The following IL1RAPL1 variants were observed in gnomAD, a reference collection of about 807,000 sequenced individuals.
The protein encoded by IL1RAPL1 is interleukin-1 receptor accessory protein-like 1.
A neutral mutation model predicts 48.4 loss-of-function variants in IL1RAPL1; 3 were observed. That is an observed-to-expected ratio of 0.06 (90% CI 0.03 to 0.16). IL1RAPL1 has a LOEUF of 0.16. IL1RAPL1 is among the 10% of genes least tolerant of loss of function. The pLI is 1.00. For synonymous variants in IL1RAPL1, 185 were observed against 187.7 expected, an observed-to-expected ratio of 0.99 and a Z score of 0.12; for missense variants, 349 against 530.6, an observed-to-expected ratio of 0.66 and a Z score of 3.36.
At chrX:29,364,562 C>CAAAAAAA (rs766680904) in intron 3 of IL1RAPL1, among the ~76,000 whole-genome samples, 2 of 43,569 alleles carry the variant, frequency 4.6e-5, no homozygotes, top group Admixed American at 3.1e-4. Context: ...GACTCTATCT[C>CAAAAAAA]AAAAAAAAAA....
chrX:29,907,692 A>G (rs978044000), intron 6 of IL1RAPL1, among the ~76,000 whole-genome samples: 7 of 112,045 alleles, frequency 6.2e-5, no homozygotes, highest in Middle Eastern at 4.7e-3. Flanking sequence ...CGTAATGTCC[A>G]GATCTATCAT....
At chrX:28,601,632 G>A (rs920792247) in intron 1 of IL1RAPL1, among the ~76,000 whole-genome samples, 2 of 110,879 alleles carry the variant, frequency 1.8e-5, no homozygotes, top group Non-Finnish European at 3.8e-5. Context: ...CAAGCACAAA[G>A]CTAGAATGAG....
intron 6 of IL1RAPL1, among the ~76,000 whole-genome samples, chrX:29,689,873 T>C (rs1055826084): frequency 8.9e-6 from 1 of 112,120 alleles, no homozygotes; most frequent in African/African-American, 3.2e-5. Flanking sequence ...CTGTTGAAAG[T>C]TTCAATTTCT....
At chrX:29,464,216 G>A (rs969057031) in intron 5 of IL1RAPL1, among the ~76,000 whole-genome samples, 1 of 111,663 alleles carries the variant, frequency 9.0e-6, no homozygotes, top group Admixed American at 9.6e-5. Flanking sequence ...ATTTCTATTA[G>A]GAACACTTGT....
intron 3 of IL1RAPL1, among the ~76,000 whole-genome samples, chrX:29,338,937 A>C (rs1288664399): frequency 9.1e-6 from 1 of 110,493 alleles, no homozygotes; most frequent in African/African-American, 3.3e-5. Context: ...AATCAACCCT[A>C]GTGGCTAAGG....
At chrX:29,723,471 A>G (rs1927695055) in intron 6 of IL1RAPL1, among the ~76,000 whole-genome samples, 1 of 111,314 alleles carries the variant, frequency 9.0e-6, no homozygotes, top group East Asian at 2.8e-4. Context: ...CTGGTCTCGA[A>G]CTCCTGGCCT....
chrX:28,594,336 G>A (rs901419989), intron 1 of IL1RAPL1, among the ~76,000 whole-genome samples: 1 of 111,704 alleles, frequency 9.0e-6, no homozygotes, highest in African/African-American at 3.2e-5. Flanking sequence ...TCGAGTTTTA[G>A]GATTCAACAG....
At chrX:29,769,568 C>T (rs1362354231) in intron 6 of IL1RAPL1, among the ~76,000 whole-genome samples, 3 of 98,697 alleles carry the variant, frequency 3.0e-5, no homozygotes, top group East Asian at 3.1e-4. Flanking sequence ...CTCAGCCTCC[C>T]GAGTAGCTGG....
At chrX:29,237,240 A>G (rs913459961) in intron 2 of IL1RAPL1, among the ~76,000 whole-genome samples, 1 of 112,197 alleles carries the variant, frequency 8.9e-6, no homozygotes, top group African/African-American at 3.2e-5. Context: ...GCCCTACCAG[A>G]TAGAGTCCTG....
At chrX:28,763,279 A>G (rs1193759099) in intron 1 of IL1RAPL1, among the ~76,000 whole-genome samples, 1 of 111,573 alleles carries the variant, frequency 9.0e-6, no homozygotes, top group Admixed American at 9.6e-5. Context: ...CACGATATGA[A>G]TGTCCCACAA....
At chrX:29,879,174 A>G (rs1245516888) in intron 6 of IL1RAPL1, among the ~76,000 whole-genome samples, 2 of 111,383 alleles carry the variant, frequency 1.8e-5, no homozygotes, top group East Asian at 2.8e-4. Flanking sequence ...TACACACTGT[A>G]TAATTCCATT....
chrX:28,868,460 A>G (rs1035025959), intron 2 of IL1RAPL1, among the ~76,000 whole-genome samples: 1 of 111,122 alleles, frequency 9.0e-6, no homozygotes, highest in African/African-American at 3.3e-5. Context: ...CACCTACATT[A>G]GTACCTATTG....
chrX:29,490,311 C>T lies in IL1RAPL1; in HGVS notation c.703+91003C>T, dbSNP rs1219761287. Among the ~76,000 whole-genome samples, 6 of 111,205 alleles carry T rather than the reference C, an allele frequency of 5.4e-5. No individual in the cohort carries two copies. In the Admixed American group the frequency reaches 5.7e-4, roughly 11 times the overall value. On this transcript the variant is annotated intron_variant, in intron 5 of 10. Coordinates refer to ENST00000378993, the MANE Select transcript of IL1RAPL1 (RefSeq NM_014271.4). ...CTTTGGGAGGCCGAGGTGGGCGGAT[C>T]ACTTGAGGCCAGGAGTTCAAGACCA...
intron 2 of IL1RAPL1, among the ~76,000 whole-genome samples, chrX:28,911,342 G>T (rs1458501182): frequency 9.0e-6 from 1 of 111,155 alleles, no homozygotes; most frequent in Non-Finnish European, 1.9e-5. Flanking sequence ...AAAGTGAAAA[G>T]AAAATATACA....
At chrX:28,630,683 T>C (rs1254271558) in intron 1 of IL1RAPL1, among the ~76,000 whole-genome samples, 1 of 112,410 alleles carries the variant, frequency 8.9e-6, no homozygotes, top group East Asian at 2.8e-4. Flanking sequence ...AAAATAATTC[T>C]TGAGTGAAAT....
At chrX:29,543,242 T>C (rs73631663) in intron 5 of IL1RAPL1, among the ~76,000 whole-genome samples, 1,352 of 110,186 alleles carry the variant, frequency 0.012, 20 homozygotes, top group African/African-American at 0.041. Context: ...CTGTGCTCTC[T>C]TCTCCATTGC....
intron 6 of IL1RAPL1, among the ~76,000 whole-genome samples, chrX:29,842,344 A>G (rs12859816): frequency 0.021 from 2,314 of 112,320 alleles, 20 homozygotes; most frequent in South Asian, 0.041. Context: ...TTTTCTGCAC[A>G]GGTGAATAGA....
chrX:29,263,489 G>T (rs1042130527), intron 2 of IL1RAPL1, among the ~76,000 whole-genome samples: 1 of 111,919 alleles, frequency 8.9e-6, no homozygotes, highest in African/African-American at 3.2e-5. Context: ...AGAACACAAG[G>T]CTTGATTACT....
At chrX:29,629,103 T>A (rs988629181) in intron 5 of IL1RAPL1, among the ~76,000 whole-genome samples, 3 of 112,290 alleles carry the variant, frequency 2.7e-5, no homozygotes, top group Non-Finnish European at 5.6e-5. Context: ...AAAGATTTCT[T>A]ATTTCCTGGA....
Sources: allele counts gnomAD v4.1 joint callset (sites outside exome capture counted in the v4.1 genomes callset), GRCh38; gene constraint gnomAD v4.1.1; transcripts MANE v1.5; gene names NCBI Gene and HGNC (gene_info 2026-07-23, HGNC 2026-07-21).